RNF150: variants seen among roughly 807,000 people sequenced by gnomAD.
RNF150 encodes ring finger protein 150.
Under a neutral mutation model 39.3 loss-of-function variants are expected in RNF150, and 24 were observed. The ratio of observed to expected loss-of-function variants is 0.61; its 90% CI spans 0.44 to 0.86. RNF150 has a LOEUF of 0.86. Ranked by LOEUF, RNF150 falls within the 40% of genes least tolerant of loss-of-function variation. RNF150 has a pLI of 0.00. For synonymous variants in RNF150, 255 were observed against 227.3 expected, an observed-to-expected ratio of 1.12 and a Z score of -1.10; for missense variants, 502 against 587.8, an observed-to-expected ratio of 0.85 and a Z score of 1.51.
intron 1 of RNF150, among the ~76,000 whole-genome samples, chr4:141,112,246 T>G (rs1739408120): frequency 1.3e-5 from 2 of 152,234 alleles, no homozygotes; most frequent in South Asian, 4.1e-4. Flanking sequence ...AATATTGTTA[T>G]GTGTGAATTT....
At chr4:140,883,747 T>A (rs942475981) in intron 6 of RNF150, among the ~76,000 whole-genome samples, 7 of 152,198 alleles carry the variant, frequency 4.6e-5, no homozygotes, top group Admixed American at 1.3e-4. Flanking sequence ...GATTGTAATG[T>A]GTCTCAGTGT....
chr4:141,050,160 T>C (rs1223180003), intron 1 of RNF150, among the ~76,000 whole-genome samples: 1 of 152,112 alleles, frequency 6.6e-6, no homozygotes, highest in East Asian at 1.9e-4. Flanking sequence ...AAACTACTTA[T>C]AAGTTTGAAA....
chr4:140,871,037 C>CAG (rs1728918432), intron 6 of RNF150, among the ~76,000 whole-genome samples: 1 of 151,860 alleles, frequency 6.6e-6, no homozygotes, highest in Admixed American at 6.6e-5. Context: ...CACACACACA[C>CAG]ACTTTATACT....
chr4:140,868,306 A>G lies in RNF150; in HGVS notation c.1272T>C (p.Asp424=), dbSNP rs746823709. The G allele has an allele frequency of 2.1e-5, 34 of 1,612,446 alleles. No individual in the cohort carries two copies. In the South Asian group the frequency reaches 3.5e-4, roughly 17 times the overall value. The part of the protein sequence containing the change: ...LIMAMEVGLS[D]VELSTDQDCE... The stretch of plus-strand genomic sequence containing the variant: ...AGTCCTGGTCAGTGGAAAGTTCTAC[A>G]TCAGACAGTCCAACCTCCATTGCCA... Residue 424 remains aspartate, a synonymous_variant, in exon 7 of 7, where the codon GAT becomes GAC. Coordinates refer to ENST00000515673, the MANE Select transcript of RNF150 (RefSeq NM_020724.2).
At chr4:140,994,179 T>G (rs146861620) in intron 1 of RNF150, among the ~76,000 whole-genome samples, 129 of 152,288 alleles carry the variant, frequency 8.5e-4, no homozygotes, top group African/African-American at 3.0e-3. Context: ...TTAACCATGT[T>G]TGGAGTGGAA....
intron 6 of RNF150, among the ~76,000 whole-genome samples, chr4:140,869,761 T>C (rs913553746): frequency 6.6e-6 from 1 of 152,188 alleles, no homozygotes; most frequent in Non-Finnish European, 1.5e-5. Context: ...AGCAACAGCA[T>C]GTACAGGTGG....
chr4:140,975,903 T>C (rs546325807), intron 1 of RNF150, among the ~76,000 whole-genome samples: 57 of 152,302 alleles, frequency 3.7e-4, no homozygotes, highest in Non-Finnish European at 7.9e-4. Flanking sequence ...TTCTATGTCA[T>C]GAGTTCTCAC....
At chr4:141,081,651 A>G (rs1578707486) in intron 1 of RNF150, among the ~76,000 whole-genome samples, 1 of 152,246 alleles carries the variant, frequency 6.6e-6, no homozygotes, top group African/African-American at 2.4e-5. Flanking sequence ...GAGGTCCACA[A>G]TATTTTAGAA....
chr4:141,105,563 T>G (rs1739168877), intron 1 of RNF150, among the ~76,000 whole-genome samples: 1 of 152,214 alleles, frequency 6.6e-6, no homozygotes, highest in Admixed American at 6.5e-5. Flanking sequence ...CCTTCTCCTG[T>G]GTTGGTCCCC....
chr4:141,006,047 C>T (rs1486635416), intron 1 of RNF150, among the ~76,000 whole-genome samples: 3 of 121,132 alleles, frequency 2.5e-5, no homozygotes, highest in East Asian at 4.1e-4. Flanking sequence ...CCAGCCTGGG[C>T]GACAGAGCGA....
chr4:141,097,097 C>T (rs6831065), intron 1 of RNF150, among the ~76,000 whole-genome samples: 11,163 of 152,272 alleles, frequency 0.073, 1,368 homozygotes, highest in African/African-American at 0.25. Flanking sequence ...AGATTAGCAT[C>T]TGCAATATCA....
chr4:140,905,596 C>T (rs182639287), intron 6 of RNF150, among the ~76,000 whole-genome samples: 4 of 152,228 alleles, frequency 2.6e-5, no homozygotes, highest in South Asian at 4.2e-4. Context: ...ATGAACAGAG[C>T]GATGTCATGC....
chr4:140,873,757 C>T (rs1455597358), intron 6 of RNF150, among the ~76,000 whole-genome samples: 2 of 152,144 alleles, frequency 1.3e-5, no homozygotes, highest in Non-Finnish European at 2.9e-5. Context: ...GCTCAGTGCA[C>T]CCTCTGCCTC....
intron 5 of RNF150, among the ~76,000 whole-genome samples, chr4:140,925,150 C>T (rs970498788): frequency 2.6e-5 from 4 of 152,200 alleles, no homozygotes; most frequent in Admixed American, 2.0e-4. Context: ...GACTTCTACA[C>T]AGCACCGTAT....
chr4:141,146,399 G>A (rs189568), intron 1 of RNF150, among the ~76,000 whole-genome samples: 107,109 of 152,100 alleles, frequency 0.7, 39,290 homozygotes, highest in East Asian at 0.97. Flanking sequence ...CATTCACTAC[G>A]TCATGCAAAT....
At position 141,051,874 on chromosome 4, in the gene RNF150, T is replaced by C. The variant is rs192951697; in HGVS notation, c.484+80451A>G. 5.3e-5 allele frequency among the ~76,000 whole-genome samples: 8 copies of C among 152,294 alleles called. No individual in the cohort carries two copies. The East Asian group carries it at 1.5e-3, about 29-fold the overall frequency. On this transcript the variant is annotated intron_variant, in intron 1 of 6. Transcript: ENST00000515673. The stretch of plus-strand genomic sequence containing the variant: ...AGTAATGCCTTAGTCCCAGTCACAA[T>C]TTATGGTATTAGTCCATTTTCATGC...
Position 141,039,363 on chromosome 4 carries a change from AAGGAGGTAGAGAAAGAAAGGGGAGGG to A in RNF150, c.485-71516_485-71491del, listed in dbSNP as rs1301389436. ...AGGTGGTAGAGAAAGAAAGGGGAGG[AAGGAGGTAGAGAAAGAAAGGGGAGGG>A]AGGAGGTAGAGAAAGAAAGGGGAGG... On this transcript the variant is annotated intron_variant, in intron 1 of 6. Coordinates refer to ENST00000515673, the MANE Select transcript of RNF150 (RefSeq NM_020724.2). Among the ~76,000 whole-genome samples the A allele has an allele frequency of 2.8e-3, 417 of 150,710 alleles. 1 individual carries two copies. The highest frequency in any genetic ancestry group is 0.01 in the Middle Eastern group (3 of 292).
intron 1 of RNF150, among the ~76,000 whole-genome samples, chr4:141,032,192 A>G (rs954993534): frequency 3.3e-5 from 5 of 152,272 alleles, no homozygotes; most frequent in African/African-American, 9.6e-5. Flanking sequence ...CAGAAGGACA[A>G]ACATTACATG....
chr4:141,015,741 C>CT (rs568828874), intron 1 of RNF150, among the ~76,000 whole-genome samples: 2 of 152,062 alleles, frequency 1.3e-5, no homozygotes, highest in Non-Finnish European at 2.9e-5. Context: ...ATGCATTTTA[C>CT]TTTTTTCTCT....
Sources: allele counts gnomAD v4.1 joint callset (sites outside exome capture counted in the v4.1 genomes callset), GRCh38; gene constraint gnomAD v4.1.1; transcripts MANE v1.5; gene names NCBI Gene and HGNC (gene_info 2026-07-23, HGNC 2026-07-21).